GALNT13: variants seen among roughly 807,000 people sequenced by gnomAD.
GALNT13 encodes UDP-GalNAc:polypeptide N-acetylgalactosaminyltransferase 13.
A neutral mutation model predicts 64.2 loss-of-function variants in GALNT13; 28 were observed. That is an observed-to-expected ratio of 0.44 (90% CI 0.32 to 0.60). The LOEUF (loss-of-function observed/expected upper bound fraction) is 0.60. GALNT13 is among the 20% of genes least tolerant of loss of function. The probability of loss-of-function intolerance (pLI) is 0.05; values close to 1 mark genes in which losing one functional copy is unlikely to be tolerated. For synonymous variants in GALNT13, 214 were observed against 224.6 expected, an observed-to-expected ratio of 0.95 and a Z score of 0.42; for missense variants, 577 against 669.8, an observed-to-expected ratio of 0.86 and a Z score of 1.53.
chr2:153,090,782 C>T, the GALNT13 span, among the ~76,000 whole-genome samples: 5 of 152,036 alleles, frequency 3.3e-5, no homozygotes, highest in East Asian at 3.9e-4. Flanking sequence ...TCTTCTTGGG[C>T]GGGGCTTGCT....
chr2:154,177,213 T>C (rs1256806728), intron 4 of GALNT13, among the ~76,000 whole-genome samples: 1 of 152,044 alleles, frequency 6.6e-6, no homozygotes, highest in Non-Finnish European at 1.5e-5. Context: ...TGGCATATCA[T>C]TCAGTGATAG....
intron 3 of GALNT13, among the ~76,000 whole-genome samples, chr2:154,132,611 C>A (rs1354353288): frequency 6.6e-6 from 1 of 151,834 alleles, no homozygotes; most frequent in African/African-American, 2.4e-5. Flanking sequence ...CAGGGCTGGG[C>A]ACAGTAGCTC....
At chr2:153,815,320 A>T in the GALNT13 span, among the ~76,000 whole-genome samples, 1 of 152,032 alleles carries the variant, frequency 6.6e-6, no homozygotes, top group East Asian at 1.9e-4. Context: ...CTTTCTGTTC[A>T]CTCATTTATC....
At chr2:153,189,163 C>T in the GALNT13 span, among the ~76,000 whole-genome samples, 11 of 152,258 alleles carry the variant, frequency 7.2e-5, no homozygotes, top group African/African-American at 2.6e-4. Context: ...TGCTGGTAGG[C>T]CAGGCTCATT....
intron 12 of GALNT13, among the ~76,000 whole-genome samples, chr2:154,444,925 CACA>C (rs1234486652): frequency 6.6e-6 from 1 of 151,636 alleles, no homozygotes; most frequent in Non-Finnish European, 1.5e-5. Flanking sequence ...AAAAAATGCC[CACA>C]ACATGAATAA....
chr2:154,029,771 T>C (rs1221544561), intron 3 of GALNT13, among the ~76,000 whole-genome samples: 1 of 152,192 alleles, frequency 6.6e-6, no homozygotes, highest in African/African-American at 2.4e-5. Context: ...AAGTTTTAAT[T>C]ACTGTCATTA....
At chr2:154,094,384 CT>C (rs1267333170) in intron 3 of GALNT13, among the ~76,000 whole-genome samples, 2 of 151,908 alleles carry the variant, frequency 1.3e-5, no homozygotes, top group Non-Finnish European at 2.9e-5. Context: ...CTCGTCTATC[CT>C]TTATTACTCC....
chr2:153,493,024 A>T, the GALNT13 span, among the ~76,000 whole-genome samples: 3 of 152,156 alleles, frequency 2.0e-5, no homozygotes, highest in Middle Eastern at 3.2e-3. Flanking sequence ...TGTGTGGGGC[A>T]TAGCAAAAGT....
chr2:153,976,391 T>C (rs1694079707), intron 3 of GALNT13, among the ~76,000 whole-genome samples: 1 of 152,282 alleles, frequency 6.6e-6, no homozygotes, highest in South Asian at 2.1e-4. Flanking sequence ...CATGAATCAT[T>C]TTCAATCAAT....
chr2:153,553,176 G>T, the GALNT13 span, among the ~76,000 whole-genome samples: 3 of 152,182 alleles, frequency 2.0e-5, no homozygotes, highest in South Asian at 6.2e-4. Context: ...TATGTTTATT[G>T]GTAATACCAA....
At chr2:153,127,539 G>A in the GALNT13 span, among the ~76,000 whole-genome samples, 2 of 69,550 alleles carry the variant, frequency 2.9e-5, no homozygotes, top group East Asian at 4.9e-4. Flanking sequence ...TTACTCTTCC[G>A]AGGAACCTGG....
the GALNT13 span, among the ~76,000 whole-genome samples, chr2:153,705,622 C>T: frequency 6.6e-6 from 1 of 152,170 alleles, no homozygotes; most frequent in Admixed American, 6.5e-5. Flanking sequence ...TGAAACATAT[C>T]TGAAACTCAA....
chr2:154,174,705 A>G (rs1685553798), intron 4 of GALNT13, among the ~76,000 whole-genome samples: 1 of 152,116 alleles, frequency 6.6e-6, no homozygotes, highest in Non-Finnish European at 1.5e-5. Context: ...ACATTTGGTT[A>G]ATTGACTTTT....
the GALNT13 span, among the ~76,000 whole-genome samples, chr2:153,363,095 A>C: frequency 4.9e-4 from 75 of 152,070 alleles, no homozygotes; most frequent in Non-Finnish European, 8.5e-4. Context: ...TAAAACCACA[A>C]AACTACATGG....
At chr2:153,761,412 C>T in the GALNT13 span, 6 of 152,350 alleles carry the variant, frequency 3.9e-5, no homozygotes, top group Admixed American at 3.9e-4. Context: ...CACTACTGCT[C>T]ATCAAATGCC....
the GALNT13 span, among the ~76,000 whole-genome samples, chr2:153,698,713 G>A: frequency 3.9e-5 from 6 of 152,142 alleles, no homozygotes; most frequent in Non-Finnish European, 8.8e-5. Context: ...TTCAAGACTT[G>A]AACTCAGCTC....
chr2:153,876,700 G>A (rs935798920), intron 1 of GALNT13, among the ~76,000 whole-genome samples: 14 of 152,056 alleles, frequency 9.2e-5, no homozygotes, highest in Non-Finnish European at 1.6e-4. Flanking sequence ...AGACATCTGT[G>A]TGATTCTGAT....
the GALNT13 span, among the ~76,000 whole-genome samples, chr2:153,094,663 T>C: frequency 2.6e-5 from 4 of 151,548 alleles, no homozygotes; most frequent in South Asian, 2.1e-4. Flanking sequence ...GTAACCAAAA[T>C]AGCATGGTGC....
intron 3 of GALNT13, among the ~76,000 whole-genome samples, chr2:154,011,449 C>G (rs1454358993): frequency 6.6e-6 from 1 of 152,094 alleles, no homozygotes; most frequent in Non-Finnish European, 1.5e-5. Context: ...GGTATGATTT[C>G]AGCTTTTTTG....
Sources: allele counts gnomAD v4.1 joint callset (sites outside exome capture counted in the v4.1 genomes callset), GRCh38; gene constraint gnomAD v4.1.1; transcripts MANE v1.5; gene names NCBI Gene and HGNC (gene_info 2026-07-23, HGNC 2026-07-21).